AGK: variants seen among roughly 807,000 people sequenced by gnomAD.
The protein encoded by AGK is acylglycerol kinase, mitochondrial.
In AGK, 52 loss-of-function variants were observed where a neutral mutation model predicts 66.4. The observed-to-expected ratio is 0.78, with a 90% confidence interval of 0.63 to 0.99. AGK has a LOEUF of 0.99. Among genes scored for constraint, AGK ranks in the 50% least tolerant of loss-of-function variants. The probability of loss-of-function intolerance (pLI) is 0.00; values close to 1 mark genes in which losing one functional copy is unlikely to be tolerated. For missense variants in AGK, 451 were observed against 506.6 expected, an observed-to-expected ratio of 0.89 and a Z score of 1.05; for synonymous variants, 182 against 181.1, an observed-to-expected ratio of 1.00 and a Z score of -0.04.
chr7:141,609,204 A>G (rs377177895), intron 5 of AGK, among the ~76,000 whole-genome samples: 3 of 152,188 alleles, frequency 2.0e-5, no homozygotes, highest in African/African-American at 7.2e-5. Flanking sequence ...TGGATGTCCA[A>G]CAATTCAATT....
At chr7:141,593,262 C>T (rs753499904) in intron 3 of AGK, 77 bp downstream of exon 3, 12 of 1,303,466 alleles carry the variant, frequency 9.2e-6, no homozygotes, top group Non-Finnish European at 1.2e-5. Flanking sequence ...TTTCAGGGGA[C>T]TTGCACAGTG....
At chr7:141,558,372 G>A (rs1795261738) in intron 2 of AGK, among the ~76,000 whole-genome samples, 1 of 151,132 alleles carries the variant, frequency 6.6e-6, no homozygotes, top group Non-Finnish European at 1.5e-5. Flanking sequence ...AACCATGTTG[G>A]CCCGCTGGTC....
intron 2 of AGK, among the ~76,000 whole-genome samples, chr7:141,579,561 A>T (rs1389271542): frequency 6.6e-6 from 1 of 151,956 alleles, no homozygotes; most frequent in Admixed American, 6.5e-5. Flanking sequence ...CATGTGAGTA[A>T]GGTTAATTTG....
chr7:141,642,033 G>C, intron 13 of AGK, 125 bp downstream of exon 13: 2 of 838,964 alleles, frequency 2.4e-6, no homozygotes, highest in East Asian at 5.3e-5. Flanking sequence ...GCAGTGTCAG[G>C]AGAAAGAGGA....
intron 3 of AGK, among the ~76,000 whole-genome samples, chr7:141,594,885 T>TCA (rs1796196718): frequency 6.6e-6 from 1 of 152,052 alleles, no homozygotes; most frequent in African/African-American, 2.4e-5. Context: ...ACTCCTGACC[T>TCA]TGTGATCCAC....
chr7:141,652,339 C>G (rs1357909966), intron 15 of AGK: 1 of 155,554 alleles, frequency 6.4e-6, no homozygotes, highest in Non-Finnish European at 1.4e-5. Flanking sequence ...CTAAACAAGT[C>G]TTAGAGAATA....
At position 141,653,026 on chromosome 7, in the gene AGK, C is replaced by T; in HGVS notation, c.*102C>T. 6.9e-7 allele frequency: 1 copy of T among 1,457,926 alleles called. No individual in the cohort carries two copies. Among genetic ancestry groups the T allele is most frequent in the East Asian group, 2.3e-5 (1 of 43,554 alleles). 90.3% of individuals were successfully genotyped at this position (1,457,926 alleles called of 1,614,324 possible). ...CCCAACAGTGTCGTCAGAGGGTCCC[C>T]AGGGCATTTTCATGGCAAGTACCCC... On this transcript the variant is annotated 3_prime_UTR_variant, in exon 16 of 16. Transcript: ENST00000649286.
intron 2 of AGK, among the ~76,000 whole-genome samples, chr7:141,576,416 G>A (rs1795738955): frequency 6.6e-6 from 1 of 151,734 alleles, no homozygotes; most frequent in Non-Finnish European, 1.5e-5. Flanking sequence ...TTTAAAGAGA[G>A]CAGGGGTACC....
In AGK at chr7:141,647,913, C is replaced by T. The variant is rs1000874980; in HGVS notation, c.976-1350C>T. On this transcript the variant is annotated intron_variant, in intron 13 of 15. Coordinates refer to ENST00000649286, the MANE Select transcript of AGK (RefSeq NM_018238.4). ...CTCGAACTCCTGACCTCGGCTGATC[C>T]GCCCGCCTCGGCCTCCCAAAGTGCT... 2.0e-4 allele frequency among the ~76,000 whole-genome samples: 30 copies of T among 152,296 alleles called. No homozygotes were observed. In the East Asian group the frequency reaches 3.9e-3, roughly 20 times the overall value.
At chr7:141,620,555 G>A (rs1796802307) in intron 8 of AGK, among the ~76,000 whole-genome samples, 2 of 152,040 alleles carry the variant, frequency 1.3e-5, no homozygotes, top group South Asian at 4.1e-4. Flanking sequence ...TTGACTTAAC[G>A]AAGACACACA....
chr7:141,593,226 C>G, intron 3 of AGK, 41 bp downstream of exon 3: 1 of 1,571,188 alleles, frequency 6.4e-7, no homozygotes. Context: ...CCCTCCTTAT[C>G]TTCATTGTGC....
intron 1 of AGK, among the ~76,000 whole-genome samples, chr7:141,554,139 A>C (rs1380292157): frequency 6.6e-6 from 1 of 151,990 alleles, no homozygotes; most frequent in African/African-American, 2.4e-5. Flanking sequence ...CAGGAGTTTG[A>C]GACCAGCCTG....
At position 141,621,775 on chromosome 7, in the gene AGK, G is replaced by T; in HGVS notation, c.562G>T (p.Val188Phe). 1 of 1,613,432 alleles carries T rather than the reference G, an allele frequency of 6.2e-7. No individual in the cohort carries two copies. The highest frequency in any genetic ancestry group is 8.5e-7 in the Non-Finnish European group (1 of 1,179,564). ...ATLAIVKGET[V>F]PLDVLQIKGE... ...ACTTGCCATTGTGAAAGGAGAGACA[G>T]TTCCACTTGATGTCTTGCAGATCAA... Residue 188 changes from valine (V) to phenylalanine (F), a missense_variant, in exon 9 of 16, where the codon GTT (valine) becomes TTT (phenylalanine). Val to Phe is a conservative substitution (Grantham distance 50). Transcript: ENST00000649286.
Position 141,651,544 on chromosome 7 carries a change from C to A in AGK, c.1066C>A (p.Pro356Thr), listed in dbSNP as rs768031881. The change falls in exon 15 of 16, where the codon CCC becomes ACC. Residue 356 changes from proline to threonine, a missense_variant. Pro to Thr is a conservative substitution (Grantham distance 38). Coordinates refer to ENST00000649286, the MANE Select transcript of AGK (RefSeq NM_018238.4). Reference protein sequence around the residue: ...ITIGSRKVRNPKLHVEGTECL... With the variant: ...ITIGSRKVRNTKLHVEGTECL... ...TCACAGAAGTCGAAAGGTGAGAAAC[C>A]CCAAGCTGCACGTGGAGGGCACGGA... is the stretch of plus-strand genomic sequence containing the variant. 2.8e-5 allele frequency: 46 copies of A among 1,614,066 alleles called. No homozygotes were observed. Among genetic ancestry groups the A allele is most frequent in the Non-Finnish European group, 3.8e-5 (45 of 1,180,036 alleles).
intron 9 of AGK, among the ~76,000 whole-genome samples, chr7:141,628,255 C>G (rs191860003): frequency 2.9e-4 from 44 of 152,264 alleles, no homozygotes; most frequent in African/African-American, 1.0e-3. Flanking sequence ...ATTGATGAAA[C>G]CAGTATCAAA....
chr7:141,575,171 T>G (rs1236212496), intron 2 of AGK, among the ~76,000 whole-genome samples: 1 of 152,164 alleles, frequency 6.6e-6, no homozygotes, highest in Non-Finnish European at 1.5e-5. Context: ...AGCACTTTCT[T>G]GATTGCGTTT....
chr7:141,565,073 G>A (rs1378615820), intron 2 of AGK, among the ~76,000 whole-genome samples: 1 of 152,138 alleles, frequency 6.6e-6, no homozygotes, highest in East Asian at 1.9e-4. Flanking sequence ...TAGAGGAGTA[G>A]TTCTCTAGGA....
At chr7:141,601,170 T>C (rs780440015) in intron 4 of AGK, 35 bp from the exon 5 acceptor site, 3 of 1,491,904 alleles carry the variant, frequency 2.0e-6, no homozygotes, top group Non-Finnish European at 2.8e-6. Context: ...TGATAACCTG[T>C]GTTAAAATGT....
intron 9 of AGK, among the ~76,000 whole-genome samples, chr7:141,629,381 GTCTT>G (rs1797007391): frequency 2.0e-5 from 3 of 152,234 alleles, no homozygotes; most frequent in South Asian, 4.1e-4. Flanking sequence ...CTGTGTGCTT[GTCTT>G]TCTTTTTCTT....
Sources: gnomAD v4.1 joint callset for allele counts (sites outside exome capture counted in the v4.1 genomes callset) on GRCh38, gnomAD v4.1.1 for gene constraint, MANE v1.5 for transcripts, NCBI Gene and HGNC (gene_info 2026-07-23, HGNC 2026-07-21) for gene names.